DGKI: variants seen among roughly 807,000 people sequenced by gnomAD.
DGKI encodes the protein DAG kinase iota.
DGKI carries 55 observed loss-of-function variants against 147.5 expected under a neutral mutation model. The ratio of observed to expected loss-of-function variants is 0.37; its 90% CI spans 0.30 to 0.47. The LOEUF (loss-of-function observed/expected upper bound fraction) is 0.47, where lower values mean the gene tolerates loss of function less well. Ranked by LOEUF, DGKI falls within the 20% of genes least tolerant of loss-of-function variation. The pLI is 1.00. For missense variants in DGKI, 1,007 were observed against 1,323.8 expected (o/e 0.76, Z 3.71); for synonymous variants, 469 against 477.1 (o/e 0.98, Z 0.22).
chr7:137,514,559 C>T (rs1816689857), intron 21 of DGKI, among the ~76,000 whole-genome samples: 1 of 152,168 alleles, frequency 6.6e-6, no homozygotes, highest in Non-Finnish European at 1.5e-5. Flanking sequence ...TGTAGCTAAC[C>T]ATAGGCTCCT....
chr7:137,804,963 C>G (rs963874918), intron 1 of DGKI, among the ~76,000 whole-genome samples: 1 of 152,186 alleles, frequency 6.6e-6, no homozygotes, highest in African/African-American at 2.4e-5. Context: ...TCCACCAACT[C>G]ATTTTCAAAG....
intron 1 of DGKI, among the ~76,000 whole-genome samples, chr7:137,842,360 TAAAG>T (rs1798569343): frequency 6.6e-6 from 1 of 152,206 alleles, no homozygotes; most frequent in Non-Finnish European, 1.5e-5. Context: ...CATCAACCTA[TAAAG>T]AATAACAGAT....
intron 20 of DGKI, among the ~76,000 whole-genome samples, chr7:137,538,464 T>C (rs1300935438): frequency 6.6e-6 from 1 of 152,234 alleles, no homozygotes; most frequent in African/African-American, 2.4e-5. Flanking sequence ...ACTTTGCTTT[T>C]CCCAAGGTAA....
chr7:137,661,419 GC>G (rs1822423266), intron 3 of DGKI, among the ~76,000 whole-genome samples: 1 of 152,116 alleles, frequency 6.6e-6, no homozygotes. Context: ...CAGGAAAGGG[GC>G]TTCAGGCAGA....
intron 3 of DGKI, among the ~76,000 whole-genome samples, chr7:137,671,099 C>T (rs183035434): frequency 1.3e-5 from 2 of 152,282 alleles, no homozygotes; most frequent in African/African-American, 2.4e-5. Context: ...TGTAACTGGG[C>T]TCAAAATCAT....
At chr7:137,634,767 G>T (rs1449707997) in intron 6 of DGKI, among the ~76,000 whole-genome samples, 2 of 152,180 alleles carry the variant, frequency 1.3e-5, no homozygotes. Context: ...TTCATGCATG[G>T]ATCAACTTGG....
At chr7:137,624,120 C>T (rs1358349416) in intron 6 of DGKI, among the ~76,000 whole-genome samples, 1 of 152,152 alleles carries the variant, frequency 6.6e-6, no homozygotes, top group Non-Finnish European at 1.5e-5. Context: ...TTATTCTTTA[C>T]CAGGAAGCAA....
At chr7:137,805,918 G>C (rs1797350589) in intron 1 of DGKI, among the ~76,000 whole-genome samples, 1 of 152,262 alleles carries the variant, frequency 6.6e-6, no homozygotes, top group Non-Finnish European at 1.5e-5. Context: ...CTGTGGCCAT[G>C]AGTTGGAGTG....
chr7:137,765,302 T>G (rs976123239), intron 1 of DGKI, among the ~76,000 whole-genome samples: 4 of 152,230 alleles, frequency 2.6e-5, no homozygotes, highest in African/African-American at 9.6e-5. Context: ...GTTGATTTTT[T>G]TATTCCAAAA....
chr7:137,524,098 T>C (rs765397478), intron 20 of DGKI, among the ~76,000 whole-genome samples: 4 of 146,324 alleles, frequency 2.7e-5, no homozygotes, highest in Non-Finnish European at 5.9e-5. Context: ...TCTTTATCAA[T>C]AAACAATCAT....
intron 1 of DGKI, among the ~76,000 whole-genome samples, chr7:137,799,682 A>G (rs1563203012): frequency 6.6e-6 from 1 of 152,196 alleles, no homozygotes; most frequent in Non-Finnish European, 1.5e-5. Context: ...AGGAAAACTG[A>G]TCAAAATCTG....
intron 21 of DGKI, among the ~76,000 whole-genome samples, chr7:137,512,128 G>A (rs1416504167): frequency 3.3e-5 from 5 of 152,118 alleles, no homozygotes; most frequent in Admixed American, 1.3e-4. Context: ...ACCTATGACC[G>A]CAAATTCTTT....
chr7:137,720,450 G>A (rs1441526719), intron 1 of DGKI, among the ~76,000 whole-genome samples: 7 of 151,658 alleles, frequency 4.6e-5, no homozygotes, highest in Non-Finnish European at 7.4e-5. Flanking sequence ...AGTAGAGACC[G>A]GGTTTCACCG....
intron 16 of DGKI, among the ~76,000 whole-genome samples, chr7:137,577,790 G>GA (rs1202284708): frequency 3.3e-5 from 5 of 152,198 alleles, no homozygotes; most frequent in Admixed American, 2.0e-4. Flanking sequence ...ACGTGCCTGA[G>GA]AAACAAAAGA....
At position 137,512,204 on chromosome 7, in the gene DGKI, T is replaced by C. The variant is rs1156302474; in HGVS notation, c.2248+9662A>G. Among the ~76,000 whole-genome samples, 3 of 152,212 alleles carry C rather than the reference T, an allele frequency of 2.0e-5. No homozygotes were observed. In the East Asian group the frequency reaches 5.8e-4, roughly 29 times the overall value. On this transcript the variant is annotated intron_variant, in intron 21 of 32. Transcript: ENST00000614521. Reference sequence around the variant, plus strand: ...GTGCCCTGGATTAAGAGAGAAAATATATAATTTCTTATTAAAATCCCACCA... The same window carrying C: ...GTGCCCTGGATTAAGAGAGAAAATACATAATTTCTTATTAAAATCCCACCA...
intron 6 of DGKI, among the ~76,000 whole-genome samples, chr7:137,642,973 T>TGTGTGTGTGTGTG (rs1687402273): frequency 1.4e-5 from 2 of 145,730 alleles, no homozygotes; most frequent in African/African-American, 5.1e-5. Flanking sequence ...TGTGTGTGTA[T>TGTGTGTGTGTGTG]GGGGGATGGA....
At chr7:137,560,992 C>T (rs1325189043) in intron 19 of DGKI, among the ~76,000 whole-genome samples, 1 of 152,094 alleles carries the variant, frequency 6.6e-6, no homozygotes, top group Non-Finnish European at 1.5e-5. Flanking sequence ...TAAACTAGTA[C>T]AATCACCATG....
intron 2 of DGKI, among the ~76,000 whole-genome samples, chr7:137,680,934 G>A (rs1346118789): frequency 2.0e-5 from 3 of 152,130 alleles, no homozygotes; most frequent in South Asian, 2.1e-4. Flanking sequence ...ATAATTCTGG[G>A]GTAAGAACAA....
chr7:137,665,039 A>T (rs1008249891), intron 3 of DGKI, among the ~76,000 whole-genome samples: 1 of 152,222 alleles, frequency 6.6e-6, no homozygotes, highest in Non-Finnish European at 1.5e-5. Context: ...GCTCAGAGGC[A>T]TGAGGATGTC....
Sources: allele counts gnomAD v4.1 joint callset (sites outside exome capture counted in the v4.1 genomes callset), GRCh38; gene constraint gnomAD v4.1.1; transcripts MANE v1.5; gene names NCBI Gene and HGNC (gene_info 2026-07-23, HGNC 2026-07-21).